Variants in NFKB1 observed in about 807,000 individuals in gnomAD.
NFKB1 encodes the protein nuclear factor NF-kappa-B p105 subunit.
Under a neutral mutation model 105.1 loss-of-function variants are expected in NFKB1, and 9 were observed. The observed-to-expected ratio is 0.09, with a 90% CI of 0.05 to 0.15. The LOEUF is 0.15. NFKB1 is among the 10% of genes least tolerant of loss of function. The probability of loss-of-function intolerance (pLI) is 1.00; values close to 1 mark genes in which losing one functional copy is unlikely to be tolerated. For missense variants in NFKB1, 830 were observed against 1,203.7 expected, an observed-to-expected ratio of 0.69 and a Z score of 4.59; for synonymous variants, 440 against 442.2, an observed-to-expected ratio of 1.00 and a Z score of 0.06.
intron 23 of NFKB1, among the ~76,000 whole-genome samples, chr4:102,615,354 G>T (rs530424445): frequency 2.3e-3 from 344 of 152,266 alleles, no homozygotes; most frequent in Non-Finnish European, 3.7e-3. Flanking sequence ...TCACTAGTCT[G>T]ACCAACCTTT....
chr4:102,567,250 C>G, intron 6 of NFKB1, 115 bp downstream of exon 6: 1 of 1,075,894 alleles, frequency 9.3e-7, no homozygotes, highest in Non-Finnish European at 1.3e-6. Flanking sequence ...CTCAGATGAC[C>G]TCAAAAAACT....
intron 1 of NFKB1, among the ~76,000 whole-genome samples, chr4:102,513,793 T>G (rs926871890): frequency 1.3e-5 from 2 of 152,210 alleles, no homozygotes; most frequent in Non-Finnish European, 2.9e-5. Context: ...TTCCGCATGC[T>G]TTCAATTCTT....
At chr4:102,524,523 C>T (rs1169365834) in intron 1 of NFKB1, among the ~76,000 whole-genome samples, 11 of 152,168 alleles carry the variant, frequency 7.2e-5, no homozygotes. Flanking sequence ...TTTCCACAGA[C>T]TGGGGGCTGG....
intron 5 of NFKB1, among the ~76,000 whole-genome samples, chr4:102,563,819 C>CTTTTT (rs34134600): frequency 3.2e-5 from 4 of 124,634 alleles, no homozygotes; most frequent in African/African-American, 1.2e-4. Flanking sequence ...AAGCTTAACT[C>CTTTTT]TTTTTTTTTT....
At chr4:102,513,626 G>C (rs1739919841) in intron 1 of NFKB1, among the ~76,000 whole-genome samples, 1 of 152,080 alleles carries the variant, frequency 6.6e-6, no homozygotes, top group Non-Finnish European at 1.5e-5. Context: ...TCTTTCAGGG[G>C]GGTGAGGTTA....
chr4:102,567,184 G>A (rs1265217959), intron 6 of NFKB1, 49 bp downstream of exon 6: 1 of 1,585,602 alleles, frequency 6.3e-7, no homozygotes, highest in Non-Finnish European at 8.6e-7. Flanking sequence ...GATAGAATAT[G>A]GGATGCAGGA....
chr4:102,565,069 A>T (rs1174017952), intron 5 of NFKB1, among the ~76,000 whole-genome samples: 1 of 151,978 alleles, frequency 6.6e-6, no homozygotes, highest in Non-Finnish European at 1.5e-5. Flanking sequence ...ACCCCATCCC[A>T]CATTTAAGGG....
chr4:102,502,285 G>T (rs549731291), intron 1 of NFKB1: 1 of 151,976 alleles, frequency 6.6e-6, no homozygotes, highest in South Asian at 2.1e-4. Context: ...CCCCAGAATT[G>T]AATAGGAGAG....
At chr4:102,538,549 G>A (rs1251714192) in intron 5 of NFKB1, among the ~76,000 whole-genome samples, 1 of 152,218 alleles carries the variant, frequency 6.6e-6, no homozygotes, top group African/African-American at 2.4e-5. Flanking sequence ...CTTGGCCTGA[G>A]CAGATGTGTG....
intron 1 of NFKB1, among the ~76,000 whole-genome samples, chr4:102,506,930 A>G (rs1336182392): frequency 6.6e-6 from 1 of 150,908 alleles, no homozygotes; most frequent in East Asian, 1.9e-4. Context: ...AGTTACATAT[A>G]CAGATATGGC....
chr4:102,596,106 A>G (rs1726585082), intron 13 of NFKB1, 32 bp from the exon 14 acceptor site: 2 of 1,456,524 alleles, frequency 1.4e-6, no homozygotes, highest in Admixed American at 2.0e-5. Context: ...CATTTTACTG[A>G]GAAAAATCTG....
At chr4:102,526,359 G>A (rs1740911246) in intron 2 of NFKB1, among the ~76,000 whole-genome samples, 1 of 152,124 alleles carries the variant, frequency 6.6e-6, no homozygotes, top group African/African-American at 2.4e-5. Flanking sequence ...TGGGAGGGCA[G>A]TGGGATGGGG....
intron 16 of NFKB1, 94 bp from the exon 17 acceptor site, chr4:102,606,402 T>C (rs372257150): frequency 1.2e-5 from 14 of 1,157,484 alleles, no homozygotes; most frequent in East Asian, 4.7e-5. Context: ...TCCTGCAGTA[T>C]GGCCCCACCT....
In NFKB1 at chr4:102,533,693, G is replaced by A. The variant is rs532134049; in HGVS notation, c.119-152G>A. 7.1e-5 allele frequency: 49 copies of A among 689,906 alleles called. 1 individual carries two copies. The South Asian group carries it at 8.0e-4, about 11-fold the overall frequency. The allele number at this position is 689,906 out of a possible 1,614,324, so 42.7% of individuals were successfully genotyped here. A position where few individuals can be genotyped will look rare whatever the true frequency, so the allele number is the denominator to read the frequency against. On this transcript the variant is annotated intron_variant, in intron 3 of 23. Coordinates refer to ENST00000226574, the MANE Select transcript of NFKB1 (RefSeq NM_003998.4). ...AATTTAATATTTCAGACAAGGAAGA[G>A]AAATTATATCCTTGTGGAATTTTAA...
At chr4:102,606,768 CGT>C in intron 17 of NFKB1, 71 bp downstream of exon 17, 6 of 1,470,422 alleles carry the variant, frequency 4.1e-6, no homozygotes, top group Non-Finnish European at 5.6e-6. Context: ...ATTTGATAAA[CGT>C]GTGTTATTTG....
chr4:102,590,223 G>A (rs576185209), intron 11 of NFKB1, among the ~76,000 whole-genome samples: 2 of 152,190 alleles, frequency 1.3e-5, no homozygotes, highest in South Asian at 2.1e-4. Flanking sequence ...CCACACACAC[G>A]TAAAAGATGA....
At chr4:102,602,985 A>T (rs988404955) in intron 16 of NFKB1, among the ~76,000 whole-genome samples, 2 of 152,204 alleles carry the variant, frequency 1.3e-5, no homozygotes, top group Admixed American at 1.3e-4. Flanking sequence ...TCCTCTTTTC[A>T]AACCCTGCTT....
At chr4:102,602,976 CCT>C (rs1384478790) in intron 16 of NFKB1, among the ~76,000 whole-genome samples, 3 of 152,146 alleles carry the variant, frequency 2.0e-5, no homozygotes, top group African/African-American at 7.2e-5. Context: ...GCTTGTCAGT[CCT>C]CTTTTCAAAC....
chr4:102,556,634 T>G (rs1410081534), intron 5 of NFKB1, among the ~76,000 whole-genome samples: 3 of 152,160 alleles, frequency 2.0e-5, no homozygotes, highest in African/African-American at 7.2e-5. Context: ...ATTTGATGGA[T>G]CGGGGGATTA....
Sources: allele counts gnomAD v4.1 joint callset (sites outside exome capture counted in the v4.1 genomes callset), GRCh38; gene constraint gnomAD v4.1.1; transcripts MANE v1.5; gene names NCBI Gene and HGNC (gene_info 2026-07-23, HGNC 2026-07-21).